SLC25A47: variants seen among roughly 807,000 people sequenced by gnomAD.
The protein encoded by SLC25A47 is solute carrier family 25 member 47.
SLC25A47 carries 30 observed loss-of-function variants against 29.8 expected under a neutral mutation model. The observed-to-expected ratio is 1.01, with a 90% CI of 0.75 to 1.36. The LOEUF (loss-of-function observed/expected upper bound fraction) is 1.36, where lower values mean the gene tolerates loss of function less well. Ranked by LOEUF, SLC25A47 falls within the 40% of genes most tolerant of loss-of-function variation. SLC25A47 has a pLI of 0.00. For synonymous variants in SLC25A47, 204 were observed against 197.8 expected, an observed-to-expected ratio of 1.03 and a Z score of -0.26; for missense variants, 430 against 441.9, an observed-to-expected ratio of 0.97 and a Z score of 0.24.
At chr14:100,328,181 C>T (rs951381252) in intron 4 of SLC25A47, among the ~76,000 whole-genome samples, 8 of 150,706 alleles carry the variant, frequency 5.3e-5, no homozygotes, top group African/African-American at 1.7e-4. Context: ...GCACCATCTC[C>T]GCTCACTACA....
chr14:100,326,217 C>T lies in SLC25A47; in HGVS notation c.133C>T (p.His45Tyr), dbSNP rs200103929. The T allele has an allele frequency of 6.2e-7, 1 of 1,613,650 alleles. No homozygotes were observed. Among genetic ancestry groups the T allele is most frequent in the Admixed American group, 1.7e-5 (1 of 59,972 alleles). ...GIWHCVRDTY[H>Y]RERVWGFYRG... ...CTGGCACTGCGTCCGGGATACGTATCACCGAGAGCGCGTAGGTCTGGGGCC... is the reference window on the plus strand; with the variant it reads ...CTGGCACTGCGTCCGGGATACGTATTACCGAGAGCGCGTAGGTCTGGGGCC... Residue 45 changes from histidine to tyrosine, a missense_variant, in exon 3 of 6, where the codon CAC (histidine) becomes TAC (tyrosine). His to Tyr is a moderately conservative substitution (Grantham distance 83). Coordinates refer to ENST00000361529, the MANE Select transcript of SLC25A47 (RefSeq NM_207117.4).
In SLC25A47 at chr14:100,328,974, C is replaced by A; in HGVS notation, c.576C>A (p.Ser192=). 1 of 1,602,176 alleles carries A rather than the reference C, an allele frequency of 6.2e-7. No homozygotes were observed. Among genetic ancestry groups the A allele is most frequent in the African/African-American group, 1.3e-5 (1 of 75,052 alleles). The change falls in exon 5 of 6, where the codon TCC becomes TCA. Residue 192 remains serine, a synonymous_variant. Coordinates refer to ENST00000361529, the MANE Select transcript of SLC25A47 (RefSeq NM_207117.4). ...CCCTGGTCTTACGGGACGGCCACTC[C>A]TTTGCCACCTACTTCCTTTCCTACG... ...SSALVLRDGH[S]FATYFLSYAV...
At chr14:100,324,656 C>T (rs57839501) in intron 1 of SLC25A47, among the ~76,000 whole-genome samples, 2,549 of 152,260 alleles carry the variant, frequency 0.017, 72 homozygotes, top group East Asian at 0.075. Flanking sequence ...ATCTTTCCTC[C>T]GGAGCCATGA....
At chr14:100,328,632 G>C in intron 4 of SLC25A47, 94 bp from the exon 5 acceptor site, 1 of 1,347,722 alleles carries the variant, frequency 7.4e-7, no homozygotes, top group Middle Eastern at 2.3e-4. Context: ...AACCTCCTGA[G>C]GTCACCGTGA....
At chr14:100,328,643 G>C (rs1405983809) in intron 4 of SLC25A47, 83 bp from the exon 5 acceptor site, 1 of 1,421,548 alleles carries the variant, frequency 7.0e-7, no homozygotes, top group South Asian at 1.2e-5. Flanking sequence ...GTCACCGTGA[G>C]CAACATGAGG....
intron 1 of SLC25A47, among the ~76,000 whole-genome samples, chr14:100,324,755 C>T (rs1893307627): frequency 6.6e-6 from 1 of 152,214 alleles, no homozygotes; most frequent in African/African-American, 2.4e-5. Flanking sequence ...AACTCCAGTT[C>T]TGGAGGTGGC....
At chr14:100,328,559 C>T (rs765987138) in intron 4 of SLC25A47, among the ~76,000 whole-genome samples, 167 bp from the exon 5 acceptor site, 48 of 152,334 alleles carry the variant, frequency 3.2e-4, no homozygotes, top group African/African-American at 8.4e-4. Flanking sequence ...ATTGGGTGGG[C>T]GGAGCTGGCT....
chr14:100,329,228 G>A (rs1405426040), intron 5 of SLC25A47, 137 bp from the exon 6 acceptor site: 2 of 1,209,724 alleles, frequency 1.7e-6, no homozygotes, highest in Non-Finnish European at 2.3e-6. Context: ...CAGAGTCAGT[G>A]TGTGGTTGTG....
At position 100,330,391 on chromosome 14, in the gene SLC25A47, C is replaced by T. The variant is rs1382217247; in HGVS notation, c.*746C>T. 1 of 153,470 alleles carries T rather than the reference C, an allele frequency of 6.5e-6. No individual in the cohort carries two copies. 9.5% of individuals were successfully genotyped at this position (153,470 alleles called of 1,614,324 possible). Reference sequence around the variant, plus strand: ...CTGAGGATGTTCAGGGCTGTGGCTCCATGGCCGTGGGCTGACTGTTCCCTG... The same window carrying T: ...CTGAGGATGTTCAGGGCTGTGGCTCTATGGCCGTGGGCTGACTGTTCCCTG... On this transcript the variant is annotated 3_prime_UTR_variant, in exon 6 of 6. Transcript: ENST00000361529.
At chr14:100,323,803 G>A (rs61990670) in intron 1 of SLC25A47, among the ~76,000 whole-genome samples, 16,750 of 152,080 alleles carry the variant, frequency 0.11, 1,031 homozygotes, top group African/African-American at 0.16. Context: ...GGAGAGGATC[G>A]AGAGGGTGGG....
At position 100,327,370 on chromosome 14, in the gene SLC25A47, CG is replaced by C. The variant is rs1566824745; in HGVS notation, c.327+1del. The C allele has an allele frequency of 2.5e-6, 4 of 1,590,216 alleles. No homozygotes were observed. Among genetic ancestry groups the C allele is most frequent in the Non-Finnish European group, 2.6e-6 (3 of 1,174,266 alleles). On this transcript the variant is annotated splice_donor_variant, in intron 4 of 5. Transcript: ENST00000361529. LOFTEE classifies it high-confidence loss of function. ...CGGGATGCGCCTCCGGCCTCGTCCG[CG>C]TGAGTAGGGGCAGCCAGGGTGGGGA...
In SLC25A47 at chr14:100,327,211, C is replaced by G; in HGVS notation, c.168C>G (p.Leu56=). The G allele has an allele frequency of 6.2e-7, 1 of 1,608,516 alleles. No homozygotes were observed. Among genetic ancestry groups the G allele is most frequent in the East Asian group, 2.2e-5 (1 of 44,864 alleles). Residue 56 remains leucine (L), a synonymous_variant, in exon 4 of 6, where the codon CTC becomes CTG. Coordinates refer to ENST00000361529, the MANE Select transcript of SLC25A47 (RefSeq NM_207117.4). ...RERVWGFYRG[L]SLPVCTVSLV... ...AGGTGTGGGGCTTCTACCGGGGCCT[C>G]TCGCTGCCCGTGTGCACGGTGTCCC...
Position 100,328,960 on chromosome 14 carries a change from C to A in SLC25A47, c.562C>A (p.Arg188=), listed in dbSNP as rs773243422. ...LYKGSSALVL[R]DGHSFATYFL... is the part of the protein sequence containing the mutation. Reference sequence around the variant, plus strand: ...CAAGGGCAGCTCGGCCCTGGTCTTACGGGACGGCCACTCCTTTGCCACCTA... The same window carrying A: ...CAAGGGCAGCTCGGCCCTGGTCTTAAGGGACGGCCACTCCTTTGCCACCTA... Residue 188 remains arginine (R), a synonymous_variant, in exon 5 of 6, where the codon CGG becomes AGG. Transcript: ENST00000361529. 4.4e-6 allele frequency: 7 copies of A among 1,603,520 alleles called. No individual in the cohort carries two copies. In the East Asian group the frequency reaches 8.9e-5, roughly 20 times the overall value.
intron 1 of SLC25A47, among the ~76,000 whole-genome samples, chr14:100,323,692 G>A (rs960247173): frequency 6.6e-6 from 1 of 152,110 alleles, no homozygotes; most frequent in Admixed American, 6.5e-5. Flanking sequence ...ATGGGGCTGT[G>A]GTCTAGGCAT....
chr14:100,324,944 A>C (rs181788970), intron 1 of SLC25A47, among the ~76,000 whole-genome samples: 1 of 152,250 alleles, frequency 6.6e-6, no homozygotes, highest in Non-Finnish European at 1.5e-5. Context: ...AGGGTTAAGA[A>C]GGGTCGTTCT....
rs1893356021 is a variant in SLC25A47 at position 100,327,233 on chromosome 14, T to C, written c.190T>C (p.Ser64Pro). ...CCTCTCGCTGCCCGTGTGCACGGTG[T>C]CCCTGGTATCTTCCGTGTCTTTTGG... The part of the protein sequence containing the change: ...RGLSLPVCTV[S>P]LVSSVSFGTY... The change falls in exon 4 of 6, where the codon TCC becomes CCC. Residue 64 changes from serine to proline, a missense_variant. Physicochemically the swap from Ser to Pro is moderately conservative, Grantham distance 74. Transcript: ENST00000361529. 1.2e-6 allele frequency: 2 copies of C among 1,609,634 alleles called. No homozygotes were observed. The highest frequency in any genetic ancestry group is 4.5e-5 in the East Asian group (2 of 44,886).
At chr14:100,324,877 C>T (rs944098661) in intron 1 of SLC25A47, among the ~76,000 whole-genome samples, 2 of 152,156 alleles carry the variant, frequency 1.3e-5, no homozygotes, top group Non-Finnish European at 2.9e-5. Flanking sequence ...GAGGTAGTGT[C>T]GTGGCAGGGC....
chr14:100,328,999 G>A lies in SLC25A47; in HGVS notation c.601G>A (p.Ala201Thr), dbSNP rs777653684. 9 of 1,600,308 alleles carry A rather than the reference G, an allele frequency of 5.6e-6. No individual in the cohort carries two copies. The highest frequency in any genetic ancestry group is 4.0e-5 in the African/African-American group (3 of 74,922). ...CTTTGCCACCTACTTCCTTTCCTAC[G>A]CGGTCCTCTGCGAGTGGCTCAGCCC... ...HSFATYFLSY[A>T]VLCEWLSPAG... Residue 201 changes from alanine to threonine, a missense_variant, in exon 5 of 6, where the codon GCG becomes ACG. Transcript: ENST00000361529.
chr14:100,327,019 G>T (rs1356155599), intron 3 of SLC25A47, among the ~76,000 whole-genome samples, 169 bp from the exon 4 acceptor site: 10 of 152,154 alleles, frequency 6.6e-5, no homozygotes, highest in African/African-American at 1.9e-4. Flanking sequence ...GGCTCTTCAG[G>T]TCCCCCCTTG....
Sources: allele counts gnomAD v4.1 joint callset (sites outside exome capture counted in the v4.1 genomes callset), GRCh38; gene constraint gnomAD v4.1.1; transcripts MANE v1.5; gene names NCBI Gene and HGNC (gene_info 2026-07-23, HGNC 2026-07-21).